ILDR2: variants seen among roughly 807,000 people sequenced by gnomAD.
ILDR2 encodes immunoglobulin like domain containing receptor 2.
In ILDR2, 25 loss-of-function variants were observed where a neutral mutation model predicts 66.8. The observed-to-expected ratio is 0.37, with a 90% CI of 0.27 to 0.52. ILDR2 has a LOEUF of 0.52. Ranked by LOEUF, ILDR2 falls within the 20% of genes least tolerant of loss-of-function variation. The pLI is 0.88. For synonymous variants in ILDR2, 367 were observed against 357.2 expected (o/e 1.03, Z -0.31); for missense variants, 827 against 876.8 (o/e 0.94, Z 0.72).
chr1:166,968,714 C>A (rs1663106869), intron 1 of ILDR2, among the ~76,000 whole-genome samples: 1 of 152,056 alleles, frequency 6.6e-6, no homozygotes, highest in African/African-American at 2.4e-5. Context: ...GCTTTAAAGG[C>A]ATTTGTGTGG....
rs571110631 is a variant in ILDR2 at position 166,915,829 on chromosome 1, T to A, written c.*3526A>T. 2 of 152,340 alleles carry A rather than the reference T, an allele frequency of 1.3e-5. No individual in the cohort carries two copies. The highest frequency in any genetic ancestry group is 4.8e-5 in the African/African-American group (2 of 41,546). The allele number at this position is 152,340 out of a possible 1,614,324, so 9.4% of individuals were successfully genotyped here. ...CTCATCTCCAGTATGCCTAATCCTA[T>A]GTCAAGTGCACAGTGAGGATCATGA... On this transcript the variant is annotated 3_prime_UTR_variant, in exon 10 of 10. Coordinates refer to ENST00000271417, the MANE Select transcript of ILDR2 (RefSeq NM_199351.3).
chr1:166,975,169 G>T, intron 1 of ILDR2, 54 bp downstream of exon 1: 1 of 1,440,588 alleles, frequency 6.9e-7, no homozygotes, highest in Non-Finnish European at 9.8e-7. Context: ...GGTGAGAACA[G>T]AACCACTACA....
chr1:166,909,781 TTATATATA>T lies in ILDR2; in HGVS notation c.*9566_*9573del, dbSNP rs59835931. 7.8e-5 allele frequency: 5 copies of T among 64,242 alleles called. No individual in the cohort carries two copies. The highest frequency in any genetic ancestry group is 1.6e-4 in the Admixed American group (1 of 6,344). The allele number at this position is 64,242 out of a possible 1,614,324, so 4.0% of individuals were successfully genotyped here. A position where few individuals can be genotyped will look rare whatever the true frequency, so the allele number is the denominator to read the frequency against. On this transcript the variant is annotated 3_prime_UTR_variant, in exon 10 of 10. Transcript: ENST00000271417. ...TATAAATATATATAAATATATATAT[TTATATATA>T]TATATATATATATATATCCTTCTAG...
At chr1:166,931,367 C>T (rs936062090) in intron 6 of ILDR2, among the ~76,000 whole-genome samples, 13 of 152,180 alleles carry the variant, frequency 8.5e-5, no homozygotes, top group Non-Finnish European at 1.2e-4. Context: ...GAACAGCTGC[C>T]AGATTCCACC....
intron 1 of ILDR2, among the ~76,000 whole-genome samples, chr1:166,964,819 G>T (rs1311782050): frequency 6.6e-6 from 1 of 152,182 alleles, no homozygotes; most frequent in East Asian, 1.9e-4. Flanking sequence ...TTCTATATAT[G>T]ATGAACTGTG....
intron 6 of ILDR2, chr1:166,933,464 T>C: frequency 9.2e-6 from 6 of 650,464 alleles, no homozygotes; most frequent in Non-Finnish European, 1.1e-5. Context: ...CCACCTGAAC[T>C]GTTCTATTAA....
rs1304151017 is a variant in ILDR2, at chr1:166,917,302, G to A, written c.*2053C>T. 7 of 152,194 alleles carry A rather than the reference G, an allele frequency of 4.6e-5. No homozygotes were observed. The highest frequency in any genetic ancestry group is 2.1e-4 in the South Asian group (1 of 4,826). 9.4% of individuals were successfully genotyped at this position (152,194 alleles called of 1,614,324 possible). On this transcript the variant is annotated 3_prime_UTR_variant, in exon 10 of 10. Coordinates refer to ENST00000271417, the MANE Select transcript of ILDR2 (RefSeq NM_199351.3). The stretch of plus-strand genomic sequence containing the variant: ...ATGACACATACCAGCTCATCCCTCC[G>A]ACCCTCACCCAGCCACTTTCTTATT...
At chr1:166,905,199 A>T (rs1659325300), downstream of ILDR2, among the ~76,000 whole-genome samples, 1 of 151,676 alleles carries the variant, frequency 6.6e-6, no homozygotes. Flanking sequence ...TCCTCTCCAA[A>T]CTCTGCTAGC....
At chr1:166,956,891 G>A in intron 2 of ILDR2, 39 bp from the exon 3 acceptor site, 1 of 1,602,848 alleles carries the variant, frequency 6.2e-7, no homozygotes, top group Non-Finnish European at 8.5e-7. Flanking sequence ...CTAAAACTCT[G>A]TCCTCTGAAA....
At position 166,918,904 on chromosome 1, in the gene ILDR2, C is replaced by A. The variant is rs1659742826; in HGVS notation, c.*451G>T. The A allele has an allele frequency of 4.4e-6, 1 of 225,998 alleles. No individual in the cohort carries two copies. Among genetic ancestry groups the A allele is most frequent in the Non-Finnish European group, 8.6e-6 (1 of 116,824 alleles). The allele number at this position is 225,998 out of a possible 1,614,324, so 14.0% of individuals were successfully genotyped here. A position where few individuals can be genotyped will look rare whatever the true frequency, so the allele number is the denominator to read the frequency against. On this transcript the variant is annotated 3_prime_UTR_variant, in exon 10 of 10. Coordinates refer to ENST00000271417, the MANE Select transcript of ILDR2 (RefSeq NM_199351.3). ...ATATTTTGACTTGAAGCTATCTTCC[C>A]TTGTCAGAAGAAGGCCTTCTAATAG...
At position 166,936,196 on chromosome 1, in the gene ILDR2, C is replaced by T. The variant is rs948414928; in HGVS notation, c.703+395G>A. Among the ~76,000 whole-genome samples, 5 of 152,138 alleles carry T rather than the reference C, an allele frequency of 3.3e-5. No homozygotes were observed. Among genetic ancestry groups the T allele is most frequent in the Admixed American group, 6.6e-5 (1 of 15,266 alleles). On this transcript the variant is annotated intron_variant, in intron 5 of 9. Coordinates refer to ENST00000271417, the MANE Select transcript of ILDR2 (RefSeq NM_199351.3). This position sits in a 1 kb window ranked among gnomAD's most constrained non-coding sequence, Gnocchi z 5.0. ...GCCCAAAGGCCACAGTTTGCACACT[C>T]TTCTCATATAAAAAGGAACTTCTCT...
chr1:166,920,693 A>G lies in ILDR2; in HGVS notation c.1884+14T>C. The G allele has an allele frequency of 1.5e-6, 2 of 1,377,694 alleles. No homozygotes were observed. Among genetic ancestry groups the G allele is most frequent in the East Asian group, 6.1e-5 (2 of 33,012 alleles). The allele number at this position is 1,377,694 out of a possible 1,614,324, so 85.3% of individuals were successfully genotyped here. ...TCAGTCCCCTCGGAGGAGGGGAGGC[A>G]GACGCAGTCTCACGGTTTTCTTGGC... On this transcript the variant is annotated intron_variant, in intron 9 of 9. Transcript: ENST00000271417.
At position 166,935,384 on chromosome 1, in the gene ILDR2, C is replaced by A; in HGVS notation, c.797G>T (p.Gly266Val). ...PYSIPSVPLG[G>V]APSSGMLMDK... ...CATCAGCATGCCAGATGAGGGGGCT[C>A]CTCCCAAAGGGACAGAGGGGATGGA... is the stretch of plus-strand genomic sequence containing the variant. Residue 266 changes from glycine to valine, a missense_variant, in exon 6 of 10, where the codon GGA becomes GTA. Gly to Val is a moderately radical substitution (Grantham distance 109). Around this residue, in one of 2 missense-constraint regions of ILDR2, gnomAD observed 437 missense variants for 523.2 expected, o/e 0.84. Transcript: ENST00000271417. 1 of 1,614,014 alleles carries A rather than the reference C, an allele frequency of 6.2e-7. No individual in the cohort carries two copies. The highest frequency in any genetic ancestry group is 8.5e-7 in the Non-Finnish European group (1 of 1,179,992).
intron 1 of ILDR2, among the ~76,000 whole-genome samples, chr1:166,973,081 C>G (rs1663400550): frequency 6.6e-6 from 1 of 152,096 alleles, no homozygotes. Context: ...AAAGCAGGAG[C>G]AGGGAGCAGA....
chr1:166,970,337 A>T (rs1663211912), intron 1 of ILDR2, among the ~76,000 whole-genome samples: 1 of 152,210 alleles, frequency 6.6e-6, no homozygotes, highest in Non-Finnish European at 1.5e-5. Context: ...TCTGAAAAAA[A>T]ATAAATAACT....
At chr1:166,950,370 T>C (rs1457989725) in intron 3 of ILDR2, among the ~76,000 whole-genome samples, 4 of 152,016 alleles carry the variant, frequency 2.6e-5, no homozygotes, top group Admixed American at 2.6e-4. Flanking sequence ...TCAAATCTCC[T>C]TGGTTAGCGG....
At chr1:166,923,573 T>C (rs1660089257) in intron 7 of ILDR2, among the ~76,000 whole-genome samples, 1 of 152,164 alleles carries the variant, frequency 6.6e-6, no homozygotes, top group Non-Finnish European at 1.5e-5. Context: ...ATTTTGGAAG[T>C]ATGGAAAGAA....
chr1:166,919,343 A>G lies in ILDR2; in HGVS notation c.*12T>C. 1 of 1,612,018 alleles carries G rather than the reference A, an allele frequency of 6.2e-7. No homozygotes were observed. Among genetic ancestry groups the G allele is most frequent in the African/African-American group, 1.3e-5 (1 of 75,018 alleles). On this transcript the variant is annotated 3_prime_UTR_variant, in exon 10 of 10. Coordinates refer to ENST00000271417, the MANE Select transcript of ILDR2 (RefSeq NM_199351.3). ...GTCTGATTTCTCATTATCCAGAGAAATGTTGACAACATCAGACCACAAGGG... is the reference window on the plus strand; with the variant it reads ...GTCTGATTTCTCATTATCCAGAGAAGTGTTGACAACATCAGACCACAAGGG...
chr1:166,923,007 G>T (rs1468551164), intron 7 of ILDR2, among the ~76,000 whole-genome samples, 198 bp from the exon 8 acceptor site: 4 of 152,174 alleles, frequency 2.6e-5, no homozygotes, highest in African/African-American at 7.2e-5. Flanking sequence ...AAGCCTACTT[G>T]CTTACAGAGA....
Sources: allele counts gnomAD v4.1 joint callset (sites outside exome capture counted in the v4.1 genomes callset), GRCh38; gene constraint gnomAD v4.1.1; regional missense constraint gnomAD v4.1.1; non-coding constraint Gnocchi (gnomAD v3.1); transcripts MANE v1.5; gene names NCBI Gene and HGNC (gene_info 2026-07-23, HGNC 2026-07-21).